PRRC1: variants seen among roughly 807,000 people sequenced by gnomAD.
The protein encoded by PRRC1 is proline rich coiled-coil 1.
PRRC1 carries 39 observed loss-of-function variants against 40.7 expected under a neutral mutation model. The ratio of observed to expected loss-of-function variants is 0.96; its 90% CI spans 0.74 to 1.25. PRRC1 has a LOEUF of 1.25. PRRC1 is among the 50% of genes most tolerant of loss of function. PRRC1 has a pLI of 0.00. For synonymous variants in PRRC1, 175 were observed against 193.3 expected (o/e 0.91, Z 0.79); for missense variants, 573 against 548.3 (o/e 1.05, Z -0.45).
At chr5:127,539,894 T>G (rs1299175042) in intron 7 of PRRC1, among the ~76,000 whole-genome samples, 2 of 152,068 alleles carry the variant, frequency 1.3e-5, no homozygotes, top group Admixed American at 1.3e-4. Context: ...CATAATTTTT[T>G]GCTGACAGGA....
intron 7 of PRRC1, among the ~76,000 whole-genome samples, chr5:127,541,292 AT>A (rs1164156707): frequency 6.6e-6 from 1 of 152,116 alleles, no homozygotes; most frequent in Admixed American, 6.5e-5. Context: ...TTTATTGAGG[AT>A]TCTTGCATCC....
intron 8 of PRRC1, chr5:127,548,317 T>A: frequency 2.8e-6 from 1 of 357,588 alleles, no homozygotes. Flanking sequence ...ATTGTCCTCC[T>A]GTTCATCTTT....
chr5:127,527,211 CAA>C (rs1178699822), intron 4 of PRRC1, among the ~76,000 whole-genome samples: 2 of 151,854 alleles, frequency 1.3e-5, no homozygotes, highest in Non-Finnish European at 2.9e-5. Flanking sequence ...TTTTAATTGA[CAA>C]AAATTGTATG....
chr5:127,552,901 T>C lies in PRRC1; in HGVS notation c.*985T>C. 1 of 947,862 alleles carries C rather than the reference T, an allele frequency of 1.1e-6. No individual in the cohort carries two copies. The highest frequency in any genetic ancestry group is 1.3e-6 in the Non-Finnish European group (1 of 795,878). The allele number at this position is 947,862 out of a possible 1,614,324, so 58.7% of individuals were successfully genotyped here. On this transcript the variant is annotated 3_prime_UTR_variant, in exon 9 of 9. Coordinates refer to ENST00000296666, the MANE Select transcript of PRRC1 (RefSeq NM_130809.5). ...CTTTGTGCCATTTGGTCTTTACTTT[T>C]TATGGATGTTTTCAAAGAAACTATT... is the stretch of plus-strand genomic sequence containing the variant.
chr5:127,550,625 C>T (rs1768352962), intron 8 of PRRC1: 2 of 152,250 alleles, frequency 1.3e-5, no homozygotes, highest in South Asian at 2.1e-4. Context: ...TTCTCGGGTC[C>T]TAACACAGGA....
intron 3 of PRRC1, among the ~76,000 whole-genome samples, chr5:127,526,077 G>A (rs1767605907): frequency 6.6e-6 from 1 of 152,142 alleles, no homozygotes; most frequent in South Asian, 2.1e-4. Flanking sequence ...CTTCGTCCTT[G>A]TCATCCTCTG....
chr5:127,552,099 A>T lies in PRRC1; in HGVS notation c.*183A>T. ...TCATTCCAGGAGACAAAAAGAAACA[A>T]ATCCTTTTTATAGTCATACCATTTC... On this transcript the variant is annotated 3_prime_UTR_variant, in exon 9 of 9. Coordinates refer to ENST00000296666, the MANE Select transcript of PRRC1 (RefSeq NM_130809.5). The T allele has an allele frequency of 7.1e-7, 1 of 1,415,744 alleles. No individual in the cohort carries two copies. Among genetic ancestry groups the T allele is most frequent in the Non-Finnish European group, 9.2e-7 (1 of 1,088,070 alleles). 87.7% of individuals were successfully genotyped at this position (1,415,744 alleles called of 1,614,324 possible). A position where few individuals can be genotyped will look rare whatever the true frequency, so the allele number is the denominator to read the frequency against.
chr5:127,545,389 A>G (rs536265099), intron 7 of PRRC1, among the ~76,000 whole-genome samples: 88 of 152,236 alleles, frequency 5.8e-4, no homozygotes, highest in Non-Finnish European at 9.7e-4. Context: ...AACCAATCCA[A>G]ATGTCCAACA....
chr5:127,523,764 A>G, intron 2 of PRRC1, 182 bp downstream of exon 2: 1 of 419,568 alleles, frequency 2.4e-6, no homozygotes, highest in Non-Finnish European at 4.2e-6. Flanking sequence ...TTAAAGTAAG[A>G]AAACATCAGT....
intron 7 of PRRC1, among the ~76,000 whole-genome samples, chr5:127,543,890 G>C (rs1480048630): frequency 1.3e-5 from 2 of 152,332 alleles, no homozygotes; most frequent in East Asian, 1.9e-4. Flanking sequence ...GTCATTCTCT[G>C]TCCAGCTTTG....
At chr5:127,546,171 C>T (rs571085712) in intron 7 of PRRC1, among the ~76,000 whole-genome samples, 1 of 152,232 alleles carries the variant, frequency 6.6e-6, no homozygotes, top group African/African-American at 2.4e-5. Context: ...TTTCTATTCA[C>T]CTGTCTTCAG....
intron 4 of PRRC1, among the ~76,000 whole-genome samples, chr5:127,529,218 T>C (rs952848814): frequency 1.3e-5 from 2 of 151,426 alleles, no homozygotes; most frequent in Non-Finnish European, 2.9e-5. Context: ...TTTATTATTA[T>C]AATTATAATT....
chr5:127,526,190 AG>A (rs1187368393), intron 3 of PRRC1, among the ~76,000 whole-genome samples: 1 of 152,230 alleles, frequency 6.6e-6, no homozygotes, highest in Non-Finnish European at 1.5e-5. Context: ...GCAGAGTGCA[AG>A]TACTATATTC....
chr5:127,547,803 CGTAA>C lies in PRRC1; in HGVS notation c.1026-15_1026-12del. ...TTTGGCATATAAACCATTTGAAACT[CGTAA>C]TTCTGTTGCAGATGGTTTGACATTG... is the stretch of plus-strand genomic sequence containing the variant. On this transcript the variant is annotated splice_polypyrimidine_tract_variant and intron_variant, in intron 7 of 8. Coordinates refer to ENST00000296666, the MANE Select transcript of PRRC1 (RefSeq NM_130809.5). 6.3e-7 allele frequency: 1 copy of C among 1,580,940 alleles called. No homozygotes were observed. Among genetic ancestry groups the C allele is most frequent in the South Asian group, 1.1e-5 (1 of 89,108 alleles).
Position 127,524,591 on chromosome 5 carries a change from C to A in PRRC1, c.164C>A (p.Ala55Glu). The A allele has an allele frequency of 1.9e-6, 3 of 1,614,118 alleles. No homozygotes were observed. The highest frequency in any genetic ancestry group is 2.5e-6 in the Non-Finnish European group (3 of 1,179,982). Residue 55 changes from alanine to glutamate, a missense_variant, in exon 3 of 9, where the codon GCA becomes GAA. Ala to Glu is a moderately radical substitution (Grantham distance 107). Coordinates refer to ENST00000296666, the MANE Select transcript of PRRC1 (RefSeq NM_130809.5). ...VSSMESFPPL[A>E]YSTPQPPLPP... is the part of the protein sequence containing the mutation. The stretch of plus-strand genomic sequence containing the variant: ...TCCATGGAGTCCTTCCCACCACTCG[C>A]ATACTCTACTCCTCAGCCGCCCCTT...
In PRRC1 at chr5:127,526,735, G is replaced by A. The variant is rs139116864; in HGVS notation, c.611G>A (p.Gly204Asp). 5.0e-6 allele frequency: 8 copies of A among 1,611,748 alleles called. No individual in the cohort carries two copies. Among genetic ancestry groups the A allele is most frequent in the Non-Finnish European group, 8.5e-7 (1 of 1,178,852 alleles). ...CAAGAAGACCCTAGAATTACTAGAG[G>A]TCAGGATGAAGCATCTGCTGGTGGA... The part of the protein sequence containing the change: ...EEQEDPRITR[G>D]QDEASAGGIW... The change falls in exon 4 of 9, where the codon GGT becomes GAT. Residue 204 changes from glycine (G) to aspartate (D), a missense_variant. By Grantham distance (94) the Gly-to-Asp change is moderately conservative. Transcript: ENST00000296666.
intron 6 of PRRC1, among the ~76,000 whole-genome samples, chr5:127,538,396 A>C (rs1465351275): frequency 1.3e-5 from 2 of 152,110 alleles, no homozygotes; most frequent in African/African-American, 2.4e-5. Flanking sequence ...CTTTTATGAA[A>C]GGATTCAGAT....
intron 8 of PRRC1, chr5:127,550,732 G>A (rs1427269686): frequency 2.0e-5 from 3 of 152,184 alleles, no homozygotes; most frequent in Non-Finnish European, 2.9e-5. Context: ...CTCTGAGGAC[G>A]TTAGTAGTAT....
Position 127,533,535 on chromosome 5 carries a change from A to G in PRRC1, c.758-88A>G, listed in dbSNP as rs1290358299. The G allele has an allele frequency of 3.0e-5, 31 of 1,023,624 alleles. No individual in the cohort carries two copies. The South Asian group carries it at 3.7e-4, about 12-fold the overall frequency. 63.4% of individuals were successfully genotyped at this position (1,023,624 alleles called of 1,614,324 possible). A position where few individuals can be genotyped will look rare whatever the true frequency, so the allele number is the denominator to read the frequency against. ...TTTATGAAACTGGTAATAATTATGT[A>G]TATTAGATGTTAGCACCTGGTATGG... On this transcript the variant is annotated intron_variant, in intron 5 of 8. Transcript: ENST00000296666.
Sources: allele counts gnomAD v4.1 joint callset (sites outside exome capture counted in the v4.1 genomes callset), GRCh38; gene constraint gnomAD v4.1.1; transcripts MANE v1.5; gene names NCBI Gene and HGNC (gene_info 2026-07-23, HGNC 2026-07-21).